C1orf116: variants seen among roughly 807,000 people sequenced by gnomAD.
C1orf116 encodes the protein specifically androgen-regulated gene protein.
In C1orf116, 12 loss-of-function variants were observed where a neutral mutation model predicts 14.1. That is an observed-to-expected ratio of 0.85 (90% CI 0.54 to 1.38). The LOEUF (loss-of-function observed/expected upper bound fraction) is 1.38. Ranked by LOEUF, C1orf116 falls within the 40% of genes most tolerant of loss-of-function variation. C1orf116 has a pLI of 0.00. For missense variants in C1orf116, 797 were observed against 747.0 expected, an observed-to-expected ratio of 1.07 and a Z score of -0.78; for synonymous variants, 296 against 299.0, an observed-to-expected ratio of 0.99 and a Z score of 0.10.
At chr1:207,030,154 C>T (rs1192609615) in intron 1 of C1orf116, among the ~76,000 whole-genome samples, 1 of 152,178 alleles carries the variant, frequency 6.6e-6, no homozygotes, top group Non-Finnish European at 1.5e-5. Flanking sequence ...CTCAGATATG[C>T]TAATTCGATC....
chr1:207,027,549 G>A lies in C1orf116; in HGVS notation c.50C>T (p.Thr17Ile). The change falls in exon 2 of 4, where the codon ACC becomes ATC. Residue 17 changes from threonine to isoleucine, a missense_variant. Thr to Ile is a moderately conservative substitution (Grantham distance 89). Coordinates refer to ENST00000359470, the MANE Select transcript of C1orf116 (RefSeq NM_023938.6). Reference sequence around the variant, plus strand: ...CATGCTGTCACAGCTGCCGACACGGGTCACGGGTTCTGAGCCAGTCCCCGC... The same window carrying A: ...CATGCTGTCACAGCTGCCGACACGGATCACGGGTTCTGAGCCAGTCCCCGC... ...WPAGTGSEPV[T>I]RVGSCDSMMS... The A allele has an allele frequency of 6.2e-7, 1 of 1,613,774 alleles. No individual in the cohort carries two copies. Among genetic ancestry groups the A allele is most frequent in the Non-Finnish European group, 8.5e-7 (1 of 1,180,040 alleles).
intron 1 of C1orf116, among the ~76,000 whole-genome samples, chr1:207,030,093 G>C (rs545612703): frequency 6.6e-6 from 1 of 152,080 alleles, no homozygotes; most frequent in Non-Finnish European, 1.5e-5. Context: ...AAAAGTGGTA[G>C]GAAAAGCACT....
chr1:207,022,027 G>T lies in C1orf116; in HGVS notation c.1737C>A (p.Ile579=), dbSNP rs1293099777. Reference sequence around the variant, plus strand: ...GTTCATTGGGGACACCCTTTGGGGAGATCTTGACACTGACACAGGGGGGGC... The same window carrying T: ...GTTCATTGGGGACACCCTTTGGGGATATCTTGACACTGACACAGGGGGGGC... ...LPRPPCVSVK[I]SPKGVPNEHR... Residue 579 remains isoleucine, a synonymous_variant, in exon 4 of 4, where the codon ATC becomes ATA. Transcript: ENST00000359470. 6.3e-7 allele frequency: 1 copy of T among 1,587,178 alleles called. No homozygotes were observed. The highest frequency in any genetic ancestry group is 1.8e-5 in the Admixed American group (1 of 56,522).
In C1orf116 at chr1:207,022,804, G is replaced by T. The variant is rs1312052624; in HGVS notation, c.960C>A (p.His320Gln). Residue 320 changes from histidine to glutamine, a missense_variant, in exon 4 of 4, where the codon CAC becomes CAA. Transcript: ENST00000359470. ...SRSSFHSDPQ[H>Q]WLSRHTEAAP... The stretch of plus-strand genomic sequence containing the variant: ...CAGCCTCAGTGTGGCGGGACAGCCA[G>T]TGCTGGGGGTCACTGTGGAAACTGC... 1 of 1,613,976 alleles carries T rather than the reference G, an allele frequency of 6.2e-7. No individual in the cohort carries two copies. The highest frequency in any genetic ancestry group is 1.3e-5 in the African/African-American group (1 of 74,934).
intron 1 of C1orf116, among the ~76,000 whole-genome samples, chr1:207,030,922 G>C (rs1044155068): frequency 2.0e-5 from 3 of 152,330 alleles, no homozygotes; most frequent in African/African-American, 7.2e-5. Context: ...AGCCTTGGAG[G>C]AGAGGAAATA....
At chr1:207,030,375 A>G (rs1445639001) in intron 1 of C1orf116, among the ~76,000 whole-genome samples, 1 of 152,104 alleles carries the variant, frequency 6.6e-6, no homozygotes, top group African/African-American at 2.4e-5. Flanking sequence ...ACCCCTGACT[A>G]AAATACTAAA....
chr1:207,028,788 C>T (rs892155581), intron 1 of C1orf116, among the ~76,000 whole-genome samples: 10 of 152,274 alleles, frequency 6.6e-5, no homozygotes, highest in African/African-American at 2.2e-4. Flanking sequence ...AGTGAGTCTG[C>T]TATGTTAAAA....
intron 2 of C1orf116, 55 bp downstream of exon 2, chr1:207,027,439 G>T: frequency 2.5e-6 from 4 of 1,602,674 alleles, no homozygotes; most frequent in South Asian, 1.1e-5. Flanking sequence ...GCAGGGCAGG[G>T]CAGGGCAGGT....
chr1:207,021,795 A>C lies in C1orf116; in HGVS notation c.*163T>G, dbSNP rs1681857415. On this transcript the variant is annotated 3_prime_UTR_variant, in exon 4 of 4. Transcript: ENST00000359470. ...GGAGATCACCTTCAGAATGATCCAC[A>C]TGGGAACTCAATGGCACAACACTGA... 1 of 640,922 alleles carries C rather than the reference A, an allele frequency of 1.6e-6. No homozygotes were observed. Among genetic ancestry groups the C allele is most frequent in the Admixed American group, 3.5e-5 (1 of 28,342 alleles). 39.7% of individuals were successfully genotyped at this position (640,922 alleles called of 1,614,324 possible).
Position 207,032,702 on chromosome 1 carries a change from CT to C in C1orf116, c.-206del, listed in dbSNP as rs1682284168. 1.0e-6 allele frequency: 1 copy of C among 985,426 alleles called. No homozygotes were observed. Among genetic ancestry groups the C allele is most frequent in the African/African-American group, 1.7e-5 (1 of 57,320 alleles). The allele number at this position is 985,426 out of a possible 1,614,324, so 61.0% of individuals were successfully genotyped here. A position where few individuals can be genotyped will look rare whatever the true frequency, so the allele number is the denominator to read the frequency against. ...TCTTCTCCTTTTGAGCTCCTCCTGA[CT>C]TACCTAGATAGGTAAATGCTTCATC... On this transcript the variant is annotated 5_prime_UTR_variant, in exon 1 of 4. Transcript: ENST00000359470.
chr1:207,032,537 A>G (rs533551942), intron 1 of C1orf116, 42 bp downstream of exon 1: 86 of 983,882 alleles, frequency 8.7e-5, no homozygotes, highest in East Asian at 1.1e-4. Context: ...ACCCCTTCCT[A>G]TTGCTATAGG....
chr1:207,022,589 T>C lies in C1orf116; in HGVS notation c.1175A>G (p.Gln392Arg). 6.2e-7 allele frequency: 1 copy of C among 1,614,168 alleles called. No individual in the cohort carries two copies. Among genetic ancestry groups the C allele is most frequent in the East Asian group, 2.2e-5 (1 of 44,868 alleles). ...QHLSPAPGLA[Q>R]PAAPAQASAA... ...TGAGGCCTGGGCTGGAGCTGCAGGCTGAGCCAGACCTGGAGCTGGGGACAG... is the reference window on the plus strand; with the variant it reads ...TGAGGCCTGGGCTGGAGCTGCAGGCCGAGCCAGACCTGGAGCTGGGGACAG... The change falls in exon 4 of 4, where the codon CAG (glutamine) becomes CGG (arginine). Residue 392 changes from glutamine (Q) to arginine (R), a missense_variant. Transcript: ENST00000359470.
At chr1:207,032,208 C>G (rs1055651548) in intron 1 of C1orf116, among the ~76,000 whole-genome samples, 1 of 152,216 alleles carries the variant, frequency 6.6e-6, no homozygotes. Flanking sequence ...TACTCTCCCC[C>G]ATTTTGACTC....
chr1:207,024,447 G>A (rs538217186), intron 3 of C1orf116, among the ~76,000 whole-genome samples: 1 of 152,168 alleles, frequency 6.6e-6, no homozygotes. Context: ...AGGGCCTTGA[G>A]GTACTTCCCA....
rs376165178 is a variant in C1orf116, at chr1:207,027,542, G to A, written c.57C>T (p.Val19=). The A allele has an allele frequency of 5.5e-5, 88 of 1,613,724 alleles. No homozygotes were observed. The highest frequency in any genetic ancestry group is 6.7e-5 in the African/African-American group (5 of 74,930). Reference sequence around the variant, plus strand: ...TGCTCATCATGCTGTCACAGCTGCCGACACGGGTCACGGGTTCTGAGCCAG... The same window carrying A: ...TGCTCATCATGCTGTCACAGCTGCCAACACGGGTCACGGGTTCTGAGCCAG... ...AGTGSEPVTR[V]GSCDSMMSST... is the part of the protein sequence containing the mutation. The change falls in exon 2 of 4, where the codon GTC becomes GTT. Residue 19 remains valine, a synonymous_variant. Coordinates refer to ENST00000359470, the MANE Select transcript of C1orf116 (RefSeq NM_023938.6).
rs750151116 is a variant in C1orf116, at chr1:207,023,524, G to A, written c.284-44C>T. ...ACATAAAAGAGTGGACAGAAAAAGAGTGGACAGAGGTGAGGGCCCTGCTGC... is the reference window on the plus strand; with the variant it reads ...ACATAAAAGAGTGGACAGAAAAAGAATGGACAGAGGTGAGGGCCCTGCTGC... On this transcript the variant is annotated intron_variant, in intron 3 of 3. Coordinates refer to ENST00000359470, the MANE Select transcript of C1orf116 (RefSeq NM_023938.6). 31 of 1,540,294 alleles carry A rather than the reference G, an allele frequency of 2.0e-5. No individual in the cohort carries two copies. In the Admixed American group the frequency reaches 2.6e-4, roughly 13 times the overall value.
At chr1:207,026,007 A>C (rs929660919) in intron 2 of C1orf116, among the ~76,000 whole-genome samples, 1 of 152,208 alleles carries the variant, frequency 6.6e-6, no homozygotes, top group African/African-American at 2.4e-5. Flanking sequence ...TCTTCCACAG[A>C]GGAGGTTGAA....
Position 207,021,176 on chromosome 1 carries a change from CAG to C in C1orf116, c.*780_*781del, listed in dbSNP as rs1681833547. 1 of 152,632 alleles carries C rather than the reference CAG, an allele frequency of 6.6e-6. No homozygotes were observed. The highest frequency in any genetic ancestry group is 1.5e-5 in the Non-Finnish European group (1 of 68,052). 9.5% of individuals were successfully genotyped at this position (152,632 alleles called of 1,614,324 possible). A position where few individuals can be genotyped will look rare whatever the true frequency, so the allele number is the denominator to read the frequency against. Reference sequence around the variant, plus strand: ...AGGAAAGCAGGAAGAACGGGAGTAGCAGAGTCAGGGACGACAGCACAGTTGGT... The same window carrying C: ...AGGAAAGCAGGAAGAACGGGAGTAGCAGTCAGGGACGACAGCACAGTTGGT... On this transcript the variant is annotated 3_prime_UTR_variant, in exon 4 of 4. Transcript: ENST00000359470.
At chr1:207,024,809 C>T (rs900214597) in intron 3 of C1orf116, 78 bp downstream of exon 3, 10 of 1,521,050 alleles carry the variant, frequency 6.6e-6, no homozygotes, top group South Asian at 2.4e-5. Context: ...AGAGGGCAGG[C>T]GAGGTAGAAA....
Sources: allele counts gnomAD v4.1 joint callset (sites outside exome capture counted in the v4.1 genomes callset), GRCh38; gene constraint gnomAD v4.1.1; transcripts MANE v1.5; gene names NCBI Gene and HGNC (gene_info 2026-07-23, HGNC 2026-07-21).